MAGI2: variants seen among roughly 807,000 people sequenced by gnomAD.
The protein encoded by MAGI2 is membrane associated guanylate kinase, WW and PDZ domain containing 2.
In MAGI2, 35 loss-of-function variants were observed where a neutral mutation model predicts 133.3. The observed-to-expected ratio is 0.26, with a 90% CI of 0.20 to 0.35. The LOEUF is 0.35. MAGI2 is among the 10% of genes least tolerant of loss of function. The pLI is 1.00. For synonymous variants in MAGI2, 729 were observed against 710.6 expected (o/e 1.03, Z -0.41); for missense variants, 1,636 against 1,863.4 (o/e 0.88, Z 2.25).
chr7:79,313,939 A>C (rs755949268), intron 1 of MAGI2, among the ~76,000 whole-genome samples: 1 of 151,764 alleles, frequency 6.6e-6, no homozygotes, highest in South Asian at 2.1e-4. Context: ...AGTAGCTGAG[A>C]CTACAGGAAC....
Position 79,215,070 on chromosome 7 carries a change from A to G in MAGI2, c.302-207864T>C, listed in dbSNP as rs576096827. Among the ~76,000 whole-genome samples the G allele has an allele frequency of 1.5e-3, 222 of 151,880 alleles. 3 individuals are homozygous for G. Among genetic ancestry groups the G allele is most frequent in the African/African-American group, 5.2e-3 (214 of 41,322 alleles). ...ACCCCCTCTAAGCCAAGGGCATTCC[A>G]AAGTAAAGCAGAAAAACTAGTTCAG... On this transcript the variant is annotated intron_variant, in intron 1 of 21. Coordinates refer to ENST00000354212, the MANE Select transcript of MAGI2 (RefSeq NM_012301.4).
chr7:78,303,420 G>A (rs2151078449), intron 9 of MAGI2, among the ~76,000 whole-genome samples: 1 of 134,248 alleles, frequency 7.4e-6, no homozygotes, highest in Admixed American at 7.8e-5. Flanking sequence ...TCCTCCTCCT[G>A]AATCATCTGG....
At chr7:79,109,757 T>C (rs887611500) in intron 1 of MAGI2, among the ~76,000 whole-genome samples, 1 of 152,122 alleles carries the variant, frequency 6.6e-6, no homozygotes, top group Non-Finnish European at 1.5e-5. Flanking sequence ...ATGGAAAAAG[T>C]GCCTCAAAGG....
intron 9 of MAGI2, among the ~76,000 whole-genome samples, chr7:78,311,824 G>A (rs1266017129): frequency 6.7e-6 from 1 of 150,092 alleles, no homozygotes; most frequent in Admixed American, 6.6e-5. Context: ...AGGCTGGAGT[G>A]CAGTGGCACG....
chr7:78,674,279 A>G (rs573032271), intron 2 of MAGI2, among the ~76,000 whole-genome samples: 1 of 151,556 alleles, frequency 6.6e-6, no homozygotes, highest in African/African-American at 2.4e-5. Flanking sequence ...TGTTTCATTA[A>G]TTGGCTATTT....
intron 2 of MAGI2, among the ~76,000 whole-genome samples, chr7:78,669,471 C>T (rs1814067271): frequency 2.0e-5 from 3 of 152,130 alleles, no homozygotes; most frequent in Admixed American, 1.3e-4. Flanking sequence ...GATGGATTCA[C>T]AGCCAAATTC....
chr7:78,686,194 T>C (rs531043632), intron 2 of MAGI2, among the ~76,000 whole-genome samples: 44 of 152,172 alleles, frequency 2.9e-4, no homozygotes, highest in Middle Eastern at 3.4e-3. Flanking sequence ...TTTCTTTCAT[T>C]GTCTCCTCTC....
At chr7:78,141,055 G>A (rs540240769) in intron 16 of MAGI2, among the ~76,000 whole-genome samples, 1 of 152,238 alleles carries the variant, frequency 6.6e-6, no homozygotes, top group African/African-American at 2.4e-5. Context: ...GTGCCCCTTG[G>A]TAAGTGGCAG....
At chr7:78,649,054 T>G (rs1487490881) in intron 2 of MAGI2, among the ~76,000 whole-genome samples, 2 of 151,808 alleles carry the variant, frequency 1.3e-5, no homozygotes, top group Non-Finnish European at 2.9e-5. Flanking sequence ...GTGATTAATT[T>G]TCTTCAGCCG....
At chr7:78,120,124 C>T (rs10232497) in intron 20 of MAGI2, among the ~76,000 whole-genome samples, 2 of 152,032 alleles carry the variant, frequency 1.3e-5, no homozygotes, top group African/African-American at 2.4e-5. Flanking sequence ...GACAAGTGGC[C>T]GGGCACAGTG....
intron 6 of MAGI2, among the ~76,000 whole-genome samples, chr7:78,483,935 A>C (rs1183917096): frequency 2.0e-5 from 3 of 151,972 alleles, no homozygotes; most frequent in East Asian, 3.9e-4. Context: ...GAAAGATTCC[A>C]AGGTGCTTTG....
At chr7:78,151,484 T>C (rs186240038) in intron 16 of MAGI2, among the ~76,000 whole-genome samples, 27 of 152,284 alleles carry the variant, frequency 1.8e-4, no homozygotes, top group African/African-American at 5.5e-4. Context: ...TTAAGGCCAC[T>C]GCCTGGCCCT....
chr7:78,314,594 G>A (rs1051255769), intron 9 of MAGI2, among the ~76,000 whole-genome samples: 1 of 152,126 alleles, frequency 6.6e-6, no homozygotes, highest in African/African-American at 2.4e-5. Context: ...CAGTTTAAGA[G>A]TGTTAACCAG....
intron 11 of MAGI2, among the ~76,000 whole-genome samples, chr7:78,200,441 G>A (rs533635292): frequency 2.3e-4 from 35 of 152,264 alleles, no homozygotes; most frequent in South Asian, 1.0e-3. Flanking sequence ...TGTTTCGTAG[G>A]CCTATAGTGG....
At position 78,898,348 on chromosome 7, in the gene MAGI2, G is replaced by C. The variant is rs576058166; in HGVS notation, c.418+108742C>G. On this transcript the variant is annotated intron_variant, in intron 2 of 21. Transcript: ENST00000354212. ...AAATTGTTCTATCATAAAGGCACAT[G>C]CATGCATATGTTCACTGCATCACCA... Among the ~76,000 whole-genome samples, 6 of 152,260 alleles carry C rather than the reference G, an allele frequency of 3.9e-5. 1 individual carries two copies. In the South Asian group the frequency reaches 1.2e-3, roughly 32 times the overall value.
intron 2 of MAGI2, among the ~76,000 whole-genome samples, chr7:78,974,423 T>A (rs1804056905): frequency 6.6e-6 from 1 of 151,896 alleles, no homozygotes; most frequent in African/African-American, 2.4e-5. Context: ...GTATAATTCA[T>A]GAGCATGCAG....
At chr7:78,698,966 T>A (rs1817790010) in intron 2 of MAGI2, among the ~76,000 whole-genome samples, 1 of 152,186 alleles carries the variant, frequency 6.6e-6, no homozygotes, top group Non-Finnish European at 1.5e-5. Context: ...TGACAGTATA[T>A]AACTTTAACT....
At chr7:79,344,093 T>G (rs892512772) in intron 1 of MAGI2, among the ~76,000 whole-genome samples, 2 of 152,018 alleles carry the variant, frequency 1.3e-5, no homozygotes, top group Non-Finnish European at 2.9e-5. Flanking sequence ...TGAATCCAAA[T>G]CCCCTGACCC....
chr7:78,800,329 T>C (rs751374074), intron 2 of MAGI2, among the ~76,000 whole-genome samples: 6 of 152,124 alleles, frequency 3.9e-5, no homozygotes, highest in Non-Finnish European at 8.8e-5. Flanking sequence ...GGAGGATGAA[T>C]TGTGATCCAC....
Sources: gnomAD v4.1 joint callset for allele counts (sites outside exome capture counted in the v4.1 genomes callset) on GRCh38, gnomAD v4.1.1 for gene constraint, MANE v1.5 for transcripts, NCBI Gene and HGNC (gene_info 2026-07-23, HGNC 2026-07-21) for gene names.